The following ALKBH8 variants were observed in gnomAD, a reference collection of about 807,000 sequenced individuals.
ALKBH8 encodes the protein tRNA (carboxymethyluridine(34)-5-O)-methyltransferase ALKBH8.
Under a neutral mutation model 59.8 loss-of-function variants are expected in ALKBH8, and 36 were observed. That is an observed-to-expected ratio of 0.60 (90% CI 0.46 to 0.79). The LOEUF is 0.79. Among genes scored for constraint, ALKBH8 ranks in the 30% least tolerant of loss-of-function variants. The pLI, the probability that ALKBH8 is intolerant of heterozygous loss-of-function variation, is 0.00. For synonymous variants in ALKBH8, 276 were observed against 273.6 expected (o/e 1.01, Z -0.09); for missense variants, 768 against 801.0 (o/e 0.96, Z 0.50).
At chr11:107,513,435 T>C (rs1179565283) in intron 10 of ALKBH8, among the ~76,000 whole-genome samples, 1 of 152,192 alleles carries the variant, frequency 6.6e-6, no homozygotes, top group Non-Finnish European at 1.5e-5. Flanking sequence ...AGAATTCTTA[T>C]ACACTGCTAG....
chr11:107,529,748 C>T (rs368625831), intron 8 of ALKBH8, among the ~76,000 whole-genome samples: 2 of 152,024 alleles, frequency 1.3e-5, no homozygotes, highest in East Asian at 1.9e-4. Context: ...GTGATCCACC[C>T]GCCTTGGCCT....
intron 1 of ALKBH8, 116 bp downstream of exon 1, chr11:107,565,485 C>A: frequency 6.8e-7 from 1 of 1,466,566 alleles, no homozygotes. Flanking sequence ...GATCCATCCC[C>A]TTTCCCTAGG....
At chr11:107,507,478 A>C (rs1387560993) in intron 11 of ALKBH8, among the ~76,000 whole-genome samples, 1 of 152,186 alleles carries the variant, frequency 6.6e-6, no homozygotes, top group Admixed American at 6.6e-5. Flanking sequence ...AAATAAGACG[A>C]GACCATTTTA....
intron 7 of ALKBH8, among the ~76,000 whole-genome samples, chr11:107,534,921 C>T (rs1293443858): frequency 6.6e-6 from 1 of 152,078 alleles, no homozygotes; most frequent in Admixed American, 6.6e-5. Context: ...AACTTTTCCC[C>T]AAAGTCCCCA....
intron 2 of ALKBH8, among the ~76,000 whole-genome samples, chr11:107,559,548 A>C (rs1864854629): frequency 6.6e-6 from 1 of 152,156 alleles, no homozygotes; most frequent in Non-Finnish European, 1.5e-5. Context: ...CCTGTAAGGA[A>C]AGGAACACAA....
At chr11:107,531,303 A>G (rs1481517896) in intron 8 of ALKBH8, among the ~76,000 whole-genome samples, 1 of 152,188 alleles carries the variant, frequency 6.6e-6, no homozygotes, top group African/African-American at 2.4e-5. Context: ...ATTATGAGGG[A>G]CAGTATATGT....
chr11:107,516,887 G>A (rs1862885928), intron 10 of ALKBH8, among the ~76,000 whole-genome samples: 2 of 152,022 alleles, frequency 1.3e-5, no homozygotes, highest in South Asian at 2.1e-4. Context: ...TTAGCTGGGT[G>A]TGGTGGTGCA....
chr11:107,518,917 G>C (rs1453084687), intron 10 of ALKBH8, among the ~76,000 whole-genome samples: 2 of 152,034 alleles, frequency 1.3e-5, no homozygotes, highest in Non-Finnish European at 2.9e-5. Context: ...ACTAGGTTAG[G>C]GTCTCTCTGA....
At chr11:107,549,131 A>T (rs569468471) in intron 7 of ALKBH8, among the ~76,000 whole-genome samples, 83 of 151,930 alleles carry the variant, frequency 5.5e-4, no homozygotes, top group African/African-American at 2.0e-3. Context: ...GATTACAGGC[A>T]TAAGCCACCG....
intron 10 of ALKBH8, among the ~76,000 whole-genome samples, chr11:107,512,885 T>C (rs140991124): frequency 2.0e-5 from 3 of 152,274 alleles, no homozygotes; most frequent in East Asian, 3.9e-4. Flanking sequence ...ACACCTTCTT[T>C]ACATTATATA....
At chr11:107,565,019 T>G (rs1865075169) in intron 1 of ALKBH8, 1 of 153,134 alleles carries the variant, frequency 6.5e-6, no homozygotes, top group African/African-American at 2.4e-5. Context: ...TCTCTAGAGT[T>G]CTCACATGGT....
At chr11:107,512,421 C>A (rs2135476988) in intron 10 of ALKBH8, among the ~76,000 whole-genome samples, 1 of 152,262 alleles carries the variant, frequency 6.6e-6, no homozygotes, top group Non-Finnish European at 1.5e-5. Context: ...CCAGGTGATC[C>A]TCTTGCCTCA....
At chr11:107,561,627 C>T (rs1049751036) in intron 1 of ALKBH8, among the ~76,000 whole-genome samples, 9 of 152,172 alleles carry the variant, frequency 5.9e-5, no homozygotes, top group Non-Finnish European at 1.2e-4. Context: ...CCATCCAAAT[C>T]AGCACCCAAT....
rs1010886302 is a variant in ALKBH8, at chr11:107,512,501, T to TGGGGGGGG, written c.1288-1466_1288-1465insCCCCCCCC. On this transcript the variant is annotated intron_variant, in intron 10 of 11. Transcript: ENST00000428149. ...GCATTTGTTTTATTTTTTGTAGAGA[T>TGGGGGGGG]GGGGTTTCACCATGTTGCCTAGGCT... Among the ~76,000 whole-genome samples, 9 of 151,990 alleles carry TGGGGGGGG rather than the reference T, an allele frequency of 5.9e-5. No individual in the cohort carries two copies. In the East Asian group the frequency reaches 1.5e-3, roughly 26 times the overall value.
Position 107,504,716 on chromosome 11 carries a change from C to G in ALKBH8, c.1937G>C (p.Arg646Thr), listed in dbSNP as rs2135458679. The stretch of plus-strand genomic sequence containing the variant: ...TTGATCGTAGTAGCTTTGCAGAATT[C>G]TGACATCACTCACAGTCCTGCAGGC... ...EGACRTVSDVRILQSYYDQGN... is the reference protein window; with the variant it reads ...EGACRTVSDVTILQSYYDQGN... The change falls in exon 12 of 12, where the codon AGA becomes ACA. Residue 646 changes from arginine (R) to threonine (T), a missense_variant. Physicochemically the swap from Arg to Thr is moderately conservative, Grantham distance 71 (BLOSUM62 -1). Coordinates refer to ENST00000428149, the MANE Select transcript of ALKBH8 (RefSeq NM_138775.3). The G allele has an allele frequency of 6.4e-7, 1 of 1,551,458 alleles. No homozygotes were observed. The highest frequency in any genetic ancestry group is 2.4e-5 in the East Asian group (1 of 40,920).
At chr11:107,537,856 T>C (rs1311179755) in intron 7 of ALKBH8, among the ~76,000 whole-genome samples, 1 of 152,184 alleles carries the variant, frequency 6.6e-6, no homozygotes, top group Non-Finnish European at 1.5e-5. Flanking sequence ...TTTACACTGA[T>C]GGCACTAAAT....
intron 11 of ALKBH8, 97 bp from the exon 12 acceptor site, chr11:107,505,312 TA>T (rs1239403786): frequency 3.6e-5 from 30 of 831,832 alleles, no homozygotes; most frequent in Admixed American, 6.3e-5. Flanking sequence ...GGATGAACAA[TA>T]AGAATATCTA....
At chr11:107,529,728 C>T (rs994965067) in intron 8 of ALKBH8, among the ~76,000 whole-genome samples, 3 of 151,720 alleles carry the variant, frequency 2.0e-5, no homozygotes, top group Admixed American at 1.3e-4. Context: ...TGGTCTCGGA[C>T]TCCTGACCTG....
chr11:107,529,272 G>A (rs1015193834), intron 8 of ALKBH8, among the ~76,000 whole-genome samples: 5 of 152,218 alleles, frequency 3.3e-5, no homozygotes, highest in African/African-American at 7.2e-5. Flanking sequence ...AAAGTTTTTA[G>A]AACAATGCCT....
Sources: gnomAD v4.1 joint callset for allele counts (sites outside exome capture counted in the v4.1 genomes callset) on GRCh38, gnomAD v4.1.1 for gene constraint, MANE v1.5 for transcripts, NCBI Gene and HGNC (gene_info 2026-07-23, HGNC 2026-07-21) for gene names.